The following ANO1 variants were observed in gnomAD, a reference collection of about 807,000 sequenced individuals.
ANO1 encodes anoctamin 1, also known as anoctamin-1.
ANO1 carries 59 observed loss-of-function variants against 124.0 expected under a neutral mutation model. That is an observed-to-expected ratio of 0.48 (90% confidence interval 0.39 to 0.59). ANO1 has a LOEUF of 0.59. Ranked by LOEUF, ANO1 falls within the 20% of genes least tolerant of loss-of-function variation. The pLI is 0.00. For synonymous variants in ANO1, 529 were observed against 532.0 expected, an observed-to-expected ratio of 0.99 and a Z score of 0.08; for missense variants, 1,059 against 1,328.0, an observed-to-expected ratio of 0.80 and a Z score of 3.15.
chr11:70,131,389 G>A (rs1241471274), intron 10 of ANO1, among the ~76,000 whole-genome samples: 5 of 152,292 alleles, frequency 3.3e-5, no homozygotes, highest in East Asian at 3.9e-4. Context: ...GTGCAGTGAC[G>A]TGATCTGGGC....
chr11:70,128,009 T>TA (rs1220088768), intron 10 of ANO1, among the ~76,000 whole-genome samples: 8 of 152,292 alleles, frequency 5.3e-5, no homozygotes, highest in Admixed American at 2.0e-4. Flanking sequence ...AAAGCAGAGG[T>TA]ATAGTTTAGA....
intron 1 of ANO1, among the ~76,000 whole-genome samples, chr11:70,036,518 G>A (rs1257355918): frequency 6.6e-6 from 1 of 152,166 alleles, no homozygotes; most frequent in Non-Finnish European, 1.5e-5. Context: ...CTTCCTCCTT[G>A]ACAATAAAGA....
intron 1 of ANO1, among the ~76,000 whole-genome samples, chr11:70,029,452 G>A (rs1856964090): frequency 6.6e-6 from 1 of 152,220 alleles, no homozygotes. Flanking sequence ...GCTGCTGCCA[G>A]CTGAATTGAC....
intron 1 of ANO1, among the ~76,000 whole-genome samples, chr11:70,066,423 C>G (rs1857720262): frequency 2.6e-5 from 4 of 152,124 alleles, no homozygotes; most frequent in Admixed American, 6.5e-5. Flanking sequence ...CATGACTTGT[C>G]CAAAGACACC....
At chr11:70,084,966 T>C (rs1002567358) in intron 1 of ANO1, among the ~76,000 whole-genome samples, 1 of 151,986 alleles carries the variant, frequency 6.6e-6, no homozygotes, top group South Asian at 2.1e-4. Context: ...AACCCCCTCA[T>C]AGGGTCAGCT....
In ANO1 at chr11:70,052,531, C is replaced by CTTTTTTTTTTTT. The variant is rs200770702; in HGVS notation, c.59-25984_59-25973dup. Among the ~76,000 whole-genome samples, 66 of 65,884 alleles carry CTTTTTTTTTTTT rather than the reference C, an allele frequency of 1.0e-3. 3 individuals are homozygous for CTTTTTTTTTTTT. Among genetic ancestry groups the CTTTTTTTTTTTT allele is most frequent in the African/African-American group, 2.2e-3 (39 of 17,826 alleles). 43.2% of individuals were successfully genotyped at this position (65,884 alleles called of 152,430 possible). On this transcript the variant is annotated intron_variant, in intron 1 of 27. Coordinates refer to the ANO1 transcript ENST00000531349. ...TTTGGGGAGAATTTCTTTTTCTTTT[C>CTTTTTTTTTTTT]TTTTTTTTTTTTTTTTTTTTTTTTT...
At chr11:70,180,405 C>G (rs1439918676) in intron 23 of ANO1, among the ~76,000 whole-genome samples, 2 of 151,992 alleles carry the variant, frequency 1.3e-5, no homozygotes, top group African/African-American at 4.8e-5. Context: ...CCCAAGTAGC[C>G]GGGATTACAG....
At chr11:70,141,760 G>C (rs1487160193) in intron 11 of ANO1, 7 of 152,134 alleles carry the variant, frequency 4.6e-5, no homozygotes, top group Admixed American at 2.6e-4. Flanking sequence ...TCAATTATTT[G>C]TTCTTTACCC....
intron 6 of ANO1, 57 bp from the exon 7 acceptor site, chr11:70,111,650 A>T: frequency 1.3e-6 from 2 of 1,565,092 alleles, no homozygotes; most frequent in Non-Finnish European, 1.8e-6. Context: ...GTGACTTTAC[A>T]ATGGGAAGCG....
chr11:70,125,494 C>G (rs1353226264), intron 9 of ANO1, among the ~76,000 whole-genome samples: 1 of 134,172 alleles, frequency 7.5e-6, no homozygotes, highest in Non-Finnish European at 1.6e-5. Context: ...CCAGCCTGGG[C>G]AACAGGAGCA....
chr11:69,979,658 C>T, the ANO1 span, among the ~76,000 whole-genome samples: 136 of 152,246 alleles, frequency 8.9e-4, no homozygotes, highest in African/African-American at 3.1e-3. Context: ...ACAAAGCCTG[C>T]GTAACACACA....
chr11:70,174,979 C>T (rs2048633472), intron 22 of ANO1, among the ~76,000 whole-genome samples: 2 of 150,960 alleles, frequency 1.3e-5, no homozygotes, highest in African/African-American at 4.9e-5. Flanking sequence ...CTCACAAAGG[C>T]CTGATGCTCA....
chr11:70,024,432 G>A (rs376015258), intron 1 of ANO1, among the ~76,000 whole-genome samples: 6 of 152,132 alleles, frequency 3.9e-5, no homozygotes, highest in African/African-American at 1.4e-4. Flanking sequence ...GAAGACATTC[G>A]CCCGCTAGAC....
intron 2 of ANO1, among the ~76,000 whole-genome samples, chr11:70,092,523 G>A (rs1159108429): frequency 2.6e-5 from 4 of 152,178 alleles, no homozygotes; most frequent in Admixed American, 6.5e-5. Flanking sequence ...CCTTGCTGCA[G>A]GACCCAGGAT....
At chr11:70,168,511 A>G (rs1367061451) in intron 21 of ANO1, among the ~76,000 whole-genome samples, 3 of 150,990 alleles carry the variant, frequency 2.0e-5, no homozygotes, top group African/African-American at 7.3e-5. Flanking sequence ...CGGCAGCCTC[A>G]CCCTCTCTTG....
chr11:70,012,717 TTCCATCCA>T (rs571032856), intron 1 of ANO1, among the ~76,000 whole-genome samples: 1 of 150,194 alleles, frequency 6.7e-6, no homozygotes, highest in Non-Finnish European at 1.5e-5. Flanking sequence ...CCATCCATTA[TTCCATCCA>T]TCCATCCATC....
At chr11:70,104,224 C>T in intron 4 of ANO1, 74 bp downstream of exon 4, 2 of 1,462,454 alleles carry the variant, frequency 1.4e-6, no homozygotes, top group Non-Finnish European at 1.8e-6. Context: ...ATGAGAAATG[C>T]AGATTGATTA....
rs780452380 is a variant in ANO1 at position 70,161,632 on chromosome 11, G to A, written c.1791G>A (p.Lys597=). 57 of 1,613,896 alleles carry A rather than the reference G, an allele frequency of 3.5e-5. No homozygotes were observed. The South Asian group carries it at 6.1e-4, about 17-fold the overall frequency. The change falls in exon 18 of 26, where the codon AAG becomes AAA. Residue 597 remains lysine (K), a synonymous_variant. Transcript: ENST00000355303. Reference sequence around the variant, plus strand: ...TACCCCTCCCTCTAGAGGTCCCAAAGACGGAGAAAAGCTTTGAGGAGAGGC... The same window carrying A: ...TACCCCTCCCTCTAGAGGTCCCAAAAACGGAGAAAAGCTTTGAGGAGAGGC... ...ARWLTKIEVP[K]TEKSFEERLI...
chr11:70,163,046 C>A (rs368986416), intron 18 of ANO1, among the ~76,000 whole-genome samples: 52 of 152,376 alleles, frequency 3.4e-4, no homozygotes, highest in African/African-American at 1.2e-3. Flanking sequence ...CTCGTGGCCT[C>A]TCATTGAAGA....
Sources: gnomAD v4.1 joint callset for allele counts (sites outside exome capture counted in the v4.1 genomes callset) on GRCh38, gnomAD v4.1.1 for gene constraint, MANE v1.5 for transcripts, NCBI Gene and HGNC (gene_info 2026-07-23, HGNC 2026-07-21) for gene names.